PARVA: variants seen among roughly 807,000 people sequenced by gnomAD.
The protein encoded by PARVA is alpha-parvin.
In PARVA, 25 loss-of-function variants were observed where a neutral mutation model predicts 52.6. The ratio of observed to expected loss-of-function variants is 0.48; its 90% CI spans 0.35 to 0.66. The LOEUF (loss-of-function observed/expected upper bound fraction) is 0.66. Ranked by LOEUF, PARVA falls within the 30% of genes least tolerant of loss-of-function variation. The pLI, the probability that PARVA is intolerant of heterozygous loss-of-function variation, is 0.01. For missense variants in PARVA, 373 were observed against 450.9 expected (o/e 0.83, Z 1.56); for synonymous variants, 185 against 179.1 (o/e 1.03, Z -0.26).
Position 12,496,476 on chromosome 11 carries a change from A to G in PARVA, c.419A>G (p.Lys140Arg). Residue 140 changes from lysine to arginine, a missense_variant, in exon 5 of 13, where the codon AAG becomes AGG. Physicochemically the swap from Lys to Arg is conservative, Grantham distance 26. Transcript: ENST00000334956. ...CCCTCAGAGAAACTGGAGAGTGAGA[A>G]GCTAAATGTGGCTGAGGTCACCCAG... ...QKLFEKLESEKLNVAEVTQSE... is the reference protein window; with the variant it reads ...QKLFEKLESERLNVAEVTQSE... 2 of 1,608,322 alleles carry G rather than the reference A, an allele frequency of 1.2e-6. No homozygotes were observed. The highest frequency in any genetic ancestry group is 1.7e-6 in the Non-Finnish European group (2 of 1,177,346).
At chr11:12,521,291 A>G (rs905327241) in intron 12 of PARVA, among the ~76,000 whole-genome samples, 8 of 152,204 alleles carry the variant, frequency 5.3e-5, no homozygotes, top group African/African-American at 1.7e-4. Flanking sequence ...AACATGGAAA[A>G]TGTTCAACTC....
At chr11:12,526,557 C>T (rs543941044) in intron 12 of PARVA, among the ~76,000 whole-genome samples, 130 of 152,134 alleles carry the variant, frequency 8.5e-4, no homozygotes, top group Non-Finnish European at 1.2e-3. Flanking sequence ...CGAGCCAGCA[C>T]GCAGCCACCA....
chr11:12,439,198 C>T (rs1217123387), intron 1 of PARVA, among the ~76,000 whole-genome samples: 5 of 152,064 alleles, frequency 3.3e-5, no homozygotes, highest in African/African-American at 9.7e-5. Context: ...GAGCTGTGTT[C>T]TTTTGATTGG....
chr11:12,424,275 A>C lies in PARVA; in HGVS notation c.136+46492A>C, dbSNP rs182571244. Among the ~76,000 whole-genome samples, 39 of 152,166 alleles carry C rather than the reference A, an allele frequency of 2.6e-4. No homozygotes were observed. In the East Asian group the frequency reaches 7.5e-3, roughly 29 times the overall value. On this transcript the variant is annotated intron_variant, in intron 1 of 12. Coordinates refer to ENST00000334956, the MANE Select transcript of PARVA (RefSeq NM_018222.5). The stretch of plus-strand genomic sequence containing the variant: ...TTGGTTAATCTTGCTTTTTCTATTT[A>C]CACTTTTATATCATCTGCAAAACAA...
chr11:12,460,975 G>A (rs1940769727), intron 1 of PARVA, among the ~76,000 whole-genome samples: 2 of 152,158 alleles, frequency 1.3e-5, no homozygotes. Flanking sequence ...CTTGGTTCAG[G>A]ACTGTGTGAG....
rs551144659 is a variant in PARVA at position 12,533,159 on chromosome 11, C to T, written c.*5234C>T. On this transcript the variant is annotated 3_prime_UTR_variant, in exon 13 of 13. Coordinates refer to ENST00000334956, the MANE Select transcript of PARVA (RefSeq NM_018222.5). ...TCCTGGACTACCCCCAGCCTCTCCA[C>T]AATGTGTCCTGAGAAGAGCTAGGGG... Among the ~76,000 whole-genome samples, 10 of 152,172 alleles carry T rather than the reference C, an allele frequency of 6.6e-5. No homozygotes were observed. The highest frequency in any genetic ancestry group is 6.2e-4 in the South Asian group (3 of 4,820).
At chr11:12,500,718 G>A (rs542461797) in intron 5 of PARVA, among the ~76,000 whole-genome samples, 2 of 152,156 alleles carry the variant, frequency 1.3e-5, no homozygotes, top group East Asian at 3.9e-4. Flanking sequence ...TTGAACCCAG[G>A]AGGCGGAGCT....
chr11:12,464,411 T>G (rs1404404481), intron 1 of PARVA, among the ~76,000 whole-genome samples: 2 of 152,210 alleles, frequency 1.3e-5, no homozygotes, highest in African/African-American at 4.8e-5. Context: ...TTTACTTAAT[T>G]GTTCAATTCC....
intron 12 of PARVA, among the ~76,000 whole-genome samples, chr11:12,522,421 C>CTTT (rs66494894): frequency 0.62 from 82,274 of 133,450 alleles, 25,911 homozygotes; most frequent in East Asian, 0.65. Flanking sequence ...GAGCTTTATT[C>CTTT]TTTTTTTTTT....
chr11:12,439,296 TG>T (rs1420606862), intron 1 of PARVA, among the ~76,000 whole-genome samples: 1 of 152,168 alleles, frequency 6.6e-6, no homozygotes, highest in African/African-American at 2.4e-5. Flanking sequence ...CAAACGACAC[TG>T]CAGGAGAGAT....
chr11:12,459,597 A>G (rs946610033), intron 1 of PARVA, among the ~76,000 whole-genome samples: 5 of 152,152 alleles, frequency 3.3e-5, no homozygotes, highest in Non-Finnish European at 5.9e-5. Flanking sequence ...GAAACTACCT[A>G]AACGTTCAAC....
At chr11:12,460,043 C>T (rs1940755611) in intron 1 of PARVA, among the ~76,000 whole-genome samples, 1 of 152,178 alleles carries the variant, frequency 6.6e-6, no homozygotes, top group East Asian at 1.9e-4. Context: ...CCTGGCTTTA[C>T]GTGGGAATGC....
intron 1 of PARVA, among the ~76,000 whole-genome samples, chr11:12,395,256 A>T (rs10831807): frequency 0.49 from 74,664 of 151,586 alleles, 19,679 homozygotes; most frequent in African/African-American, 0.68. Flanking sequence ...TGTATAATTT[A>T]AAAAAAAAGA....
chr11:12,525,334 G>A (rs1022854350), intron 12 of PARVA, among the ~76,000 whole-genome samples: 1 of 152,136 alleles, frequency 6.6e-6, no homozygotes, highest in African/African-American at 2.4e-5. Context: ...TTGGAGTTGT[G>A]CAGTGTACAT....
chr11:12,511,834 C>T (rs767788433), intron 8 of PARVA, among the ~76,000 whole-genome samples: 33 of 152,170 alleles, frequency 2.2e-4, no homozygotes, highest in Non-Finnish European at 3.1e-4. Flanking sequence ...CCCTGGGACC[C>T]CACAGCCCAA....
rs1047489173 is a variant in PARVA, at chr11:12,458,578, C to T, written c.137-15167C>T. Reference sequence around the variant, plus strand: ...GGATTTGCTCCTAAAAATATACTAACTCCCCACCAGTTTCCTGTGATTTCT... The same window carrying T: ...GGATTTGCTCCTAAAAATATACTAATTCCCCACCAGTTTCCTGTGATTTCT... On this transcript the variant is annotated intron_variant, in intron 1 of 12. Transcript: ENST00000334956. 3.3e-5 allele frequency among the ~76,000 whole-genome samples: 5 copies of T among 152,360 alleles called. No homozygotes were observed. In the East Asian group the frequency reaches 9.6e-4, roughly 29 times the overall value.
intron 12 of PARVA, among the ~76,000 whole-genome samples, chr11:12,521,122 G>C (rs1472925196): frequency 6.6e-6 from 1 of 152,138 alleles, no homozygotes; most frequent in Non-Finnish European, 1.5e-5. Flanking sequence ...AAGACATCTA[G>C]TACCAGGCAG....
intron 3 of PARVA, among the ~76,000 whole-genome samples, chr11:12,475,961 C>G (rs1941008232): frequency 6.6e-6 from 1 of 152,222 alleles, no homozygotes; most frequent in South Asian, 2.1e-4. Flanking sequence ...TGCCGCTGCA[C>G]ACTCTCCGGG....
At chr11:12,404,016 T>C (rs1157993127) in intron 1 of PARVA, among the ~76,000 whole-genome samples, 1 of 152,190 alleles carries the variant, frequency 6.6e-6, no homozygotes, top group Admixed American at 6.5e-5. Flanking sequence ...TGGTACCATA[T>C]TTCCAATTTA....
Sources: gnomAD v4.1 joint callset for allele counts (sites outside exome capture counted in the v4.1 genomes callset) on GRCh38, gnomAD v4.1.1 for gene constraint, MANE v1.5 for transcripts, NCBI Gene and HGNC (gene_info 2026-07-23, HGNC 2026-07-21) for gene names.